TSPAN18: variants seen among roughly 807,000 people sequenced by gnomAD.
TSPAN18 encodes tetraspanin 18, also known as tetraspanin-18.
TSPAN18 carries 14 observed loss-of-function variants against 27.3 expected under a neutral mutation model. The ratio of observed to expected loss-of-function variants is 0.51; its 90% confidence interval spans 0.34 to 0.80. The LOEUF (loss-of-function observed/expected upper bound fraction) is 0.80. TSPAN18 is among the 30% of genes least tolerant of loss of function. The pLI is 0.01. For synonymous variants in TSPAN18, 143 were observed against 136.5 expected (o/e 1.05, Z -0.33); for missense variants, 268 against 323.9 (o/e 0.83, Z 1.32).
At chr11:44,776,999 G>A (rs1308169268) in intron 2 of TSPAN18, among the ~76,000 whole-genome samples, 1 of 152,228 alleles carries the variant, frequency 6.6e-6, no homozygotes, top group African/African-American at 2.4e-5. Flanking sequence ...TTCCTGCACT[G>A]TCTGGCACTT....
chr11:44,919,447 CGCAGCATTCCAG>C, intron 7 of TSPAN18, 135 bp downstream of exon 7: 1 of 779,854 alleles, frequency 1.3e-6, no homozygotes. Context: ...TCACCATCCA[CGCAGCATTCCAG>C]GCAGCCATGC....
intron 1 of TSPAN18, among the ~76,000 whole-genome samples, chr11:44,728,620 C>T (rs535473088): frequency 5.8e-4 from 89 of 152,266 alleles, no homozygotes; most frequent in African/African-American, 2.1e-3. Flanking sequence ...CCCCCACCCT[C>T]ATCCCCTGGG....
At chr11:44,743,731 TTGCTGGAGTCC>T (rs1199608834) in intron 1 of TSPAN18, among the ~76,000 whole-genome samples, 1 of 152,196 alleles carries the variant, frequency 6.6e-6, no homozygotes, top group African/African-American at 2.4e-5. Flanking sequence ...AGTTTCTGTG[TTGCTGGAGTCC>T]TGCCTTACTT....
intron 2 of TSPAN18, among the ~76,000 whole-genome samples, chr11:44,805,535 G>A (rs1196538334): frequency 2.0e-5 from 3 of 152,156 alleles, no homozygotes; most frequent in Non-Finnish European, 4.4e-5. Flanking sequence ...GATTGAGTTC[G>A]AGTCCTGTGC....
intron 2 of TSPAN18, among the ~76,000 whole-genome samples, chr11:44,812,880 A>C (rs910729718): frequency 6.6e-6 from 1 of 152,166 alleles, no homozygotes; most frequent in Non-Finnish European, 1.5e-5. Context: ...GTGTACATAC[A>C]CACACACAGA....
At chr11:44,829,947 A>G (rs1857121738) in intron 2 of TSPAN18, among the ~76,000 whole-genome samples, 1 of 152,244 alleles carries the variant, frequency 6.6e-6, no homozygotes, top group Admixed American at 6.5e-5. Flanking sequence ...AATATGAACC[A>G]ACTGTGTCTC....
chr11:44,815,171 G>C (rs946874672), intron 2 of TSPAN18, among the ~76,000 whole-genome samples: 2 of 152,194 alleles, frequency 1.3e-5, no homozygotes, highest in East Asian at 3.9e-4. Context: ...TGTAATGTAG[G>C]GCAGGCACTC....
chr11:44,737,648 G>A (rs1373989070), intron 1 of TSPAN18, among the ~76,000 whole-genome samples: 2 of 152,188 alleles, frequency 1.3e-5, no homozygotes, highest in African/African-American at 2.4e-5. Context: ...GTTGTGTAAT[G>A]TGGTCATGTT....
intron 3 of TSPAN18, among the ~76,000 whole-genome samples, chr11:44,888,787 G>A (rs556661375): frequency 6.6e-6 from 1 of 152,310 alleles, no homozygotes; most frequent in Non-Finnish European, 1.5e-5. Flanking sequence ...TCCAGGATTT[G>A]AATTCCAAGG....
At chr11:44,829,140 C>T (rs1437774004) in intron 2 of TSPAN18, among the ~76,000 whole-genome samples, 5 of 152,226 alleles carry the variant, frequency 3.3e-5, no homozygotes, top group Non-Finnish European at 5.9e-5. Context: ...ATATTTACAT[C>T]TAATATTATT....
intron 2 of TSPAN18, among the ~76,000 whole-genome samples, chr11:44,847,537 A>T (rs1315831250): frequency 6.6e-6 from 1 of 152,208 alleles, no homozygotes; most frequent in African/African-American, 2.4e-5. Flanking sequence ...TCATCTGCTT[A>T]TCCATTCATC....
At chr11:44,730,030 C>G (rs1416082937) in intron 1 of TSPAN18, among the ~76,000 whole-genome samples, 1 of 152,154 alleles carries the variant, frequency 6.6e-6, no homozygotes, top group Non-Finnish European at 1.5e-5. Context: ...GCAGGAGAGT[C>G]TAACCTTTTA....
In TSPAN18 at chr11:44,860,429, A is replaced by G. The variant is rs957878102; in HGVS notation, c.-51A>G. The G allele has an allele frequency of 6.6e-6, 1 of 152,182 alleles. No homozygotes were observed. The highest frequency in any genetic ancestry group is 2.4e-5 in the African/African-American group (1 of 41,440). 9.4% of individuals were successfully genotyped at this position (152,182 alleles called of 1,614,324 possible). ...CTTGAATTTGATTTCTGGAGACGCG[A>G]GCATAATCCTTTTGCAGACATCTCA... is the stretch of plus-strand genomic sequence containing the variant. On this transcript the variant is annotated 5_prime_UTR_variant, in exon 3 of 10. Coordinates refer to ENST00000520358, the MANE Select transcript of TSPAN18 (RefSeq NM_130783.5).
intron 2 of TSPAN18, among the ~76,000 whole-genome samples, chr11:44,815,940 C>G (rs1023749481): frequency 1.3e-5 from 2 of 152,260 alleles, no homozygotes; most frequent in African/African-American, 2.4e-5. Flanking sequence ...TCTCACGGAG[C>G]CTTCTCCCCA....
chr11:44,921,975 G>A (rs1269627800), intron 8 of TSPAN18, among the ~76,000 whole-genome samples: 2 of 152,068 alleles, frequency 1.3e-5, no homozygotes, highest in African/African-American at 4.8e-5. Flanking sequence ...TGTTCCTGAG[G>A]GTCTGAGACT....
intron 3 of TSPAN18, among the ~76,000 whole-genome samples, 153 bp downstream of exon 3, chr11:44,860,622 G>A (rs1857854030): frequency 6.6e-6 from 1 of 152,220 alleles, no homozygotes; most frequent in Non-Finnish European, 1.5e-5. Context: ...CCGTGGGCAG[G>A]ATAGTAAGGG....
intron 3 of TSPAN18, among the ~76,000 whole-genome samples, chr11:44,875,742 G>GT (rs1858314308): frequency 6.6e-6 from 1 of 152,214 alleles, no homozygotes; most frequent in African/African-American, 2.4e-5. Context: ...GTGAGCCTCA[G>GT]TTTTTTGCCT....
chr11:44,839,869 G>T (rs1397337707), intron 2 of TSPAN18, among the ~76,000 whole-genome samples: 1 of 152,150 alleles, frequency 6.6e-6, no homozygotes, highest in African/African-American at 2.4e-5. Flanking sequence ...TGCTCCCCAG[G>T]ATGGCTCTCC....
At chr11:44,888,451 G>T (rs1335259559) in intron 3 of TSPAN18, among the ~76,000 whole-genome samples, 1 of 152,114 alleles carries the variant, frequency 6.6e-6, no homozygotes, top group African/African-American at 2.4e-5. Flanking sequence ...CTTATTGGGG[G>T]GCACCATCTA....
Sources: allele counts gnomAD v4.1 joint callset (sites outside exome capture counted in the v4.1 genomes callset), GRCh38; gene constraint gnomAD v4.1.1; transcripts MANE v1.5; gene names NCBI Gene and HGNC (gene_info 2026-07-23, HGNC 2026-07-21).